TRIM5: variants seen among roughly 807,000 people sequenced by gnomAD.
TRIM5 encodes the protein tripartite motif containing 5.
In TRIM5, 31 loss-of-function variants were observed where a neutral mutation model predicts 35.6. That is an observed-to-expected ratio of 0.87 (90% CI 0.65 to 1.18). The LOEUF (loss-of-function observed/expected upper bound fraction) is 1.18, where lower values mean the gene tolerates loss of function less well. TRIM5 is among the 50% of genes most tolerant of loss of function. TRIM5 has a pLI of 0.00. For synonymous variants in TRIM5, 243 were observed against 215.6 expected (o/e 1.13, Z -1.11); for missense variants, 609 against 591.6 (o/e 1.03, Z -0.31).
chr11:5,659,241 C>A (rs1389641863), downstream of TRIM5, among the ~76,000 whole-genome samples: 1 of 152,132 alleles, frequency 6.6e-6, no homozygotes, highest in Non-Finnish European at 1.5e-5. Flanking sequence ...TAGAGCCCCA[C>A]AGCCTGCCCG....
the TRIM5 span, chr11:5,642,499 G>A: frequency 1.2e-6 from 2 of 1,613,846 alleles, no homozygotes; most frequent in Non-Finnish European, 8.5e-7. Flanking sequence ...TGCTGCAAAT[G>A]TTTAGAGGTG....
At chr11:5,684,182 G>A (rs756843756) in intron 1 of TRIM5, 8 of 171,170 alleles carry the variant, frequency 4.7e-5, no homozygotes, top group Non-Finnish European at 8.4e-5. Flanking sequence ...TCCGGACACA[G>A]TATGAAGACA....
intron 1 of TRIM5, among the ~76,000 whole-genome samples, chr11:5,683,540 A>G (rs1398992351): frequency 1.3e-5 from 2 of 148,932 alleles, no homozygotes; most frequent in Non-Finnish European, 3.0e-5. Flanking sequence ...GGGATTGTAA[A>G]TACACCAATC....
chr11:5,604,774 T>G, the TRIM5 span: 1 of 771,430 alleles, frequency 1.3e-6, no homozygotes, highest in Non-Finnish European at 2.0e-6. Context: ...ACTATATTCC[T>G]TCCAAACAGG....
At chr11:5,635,697 G>GGA in the TRIM5 span, among the ~76,000 whole-genome samples, 1 of 152,336 alleles carries the variant, frequency 6.6e-6, no homozygotes, top group East Asian at 1.9e-4. Flanking sequence ...GAACGAAGCA[G>GGA]GAGAGTAACT....
At chr11:5,605,625 C>T in the TRIM5 span, 5,234 of 1,532,978 alleles carry the variant, frequency 3.4e-3, 156 homozygotes, top group African/African-American at 0.065. Flanking sequence ...ACTAACTTTC[C>T]TTCCTTTCTG....
the TRIM5 span, chr11:5,643,741 T>A: frequency 1.3e-6 from 2 of 1,540,988 alleles, no homozygotes; most frequent in Non-Finnish European, 1.7e-6. Context: ...CAACCCTTTG[T>A]CTTGACTTAT....
At chr11:5,611,088 G>T in the TRIM5 span, 5 of 1,614,132 alleles carry the variant, frequency 3.1e-6, no homozygotes, top group Non-Finnish European at 4.2e-6. Context: ...CTGGGTGATT[G>T]GGTTACAGCA....
At chr11:5,681,655 T>C (rs1852458332) in intron 1 of TRIM5, among the ~76,000 whole-genome samples, 1 of 151,526 alleles carries the variant, frequency 6.6e-6, no homozygotes, top group South Asian at 2.1e-4. Flanking sequence ...CCCATAAAAC[T>C]TGTTTAATCC....
At chr11:5,675,678 C>A (rs1427673846) in intron 4 of TRIM5, among the ~76,000 whole-genome samples, 1 of 125,004 alleles carries the variant, frequency 8.0e-6, no homozygotes, top group Non-Finnish European at 1.7e-5. Flanking sequence ...TTTTTTTTTT[C>A]TTCTGTTGTG....
At chr11:5,660,062 T>C (rs185009259), downstream of TRIM5, among the ~76,000 whole-genome samples, 3,318 of 152,094 alleles carry the variant, frequency 0.022, 114 homozygotes, top group African/African-American at 0.073. Flanking sequence ...CTGCAACCTC[T>C]GCCTCCTGGG....
chr11:5,615,210 A>G, the TRIM5 span, among the ~76,000 whole-genome samples: 1 of 152,144 alleles, frequency 6.6e-6, no homozygotes, highest in Non-Finnish European at 1.5e-5. Flanking sequence ...ATATTGGTAA[A>G]TGTTTCATTT....
the TRIM5 span, chr11:5,604,522 G>C: frequency 2.5e-6 from 4 of 1,607,668 alleles, no homozygotes; most frequent in Non-Finnish European, 3.4e-6. Context: ...GACCTGATTT[G>C]TTTTCTTCAA....
intron 4 of TRIM5, among the ~76,000 whole-genome samples, chr11:5,670,344 A>ATT (rs71053291): frequency 2.0e-5 from 3 of 149,186 alleles, no homozygotes; most frequent in Non-Finnish European, 4.5e-5. Flanking sequence ...CACCCAGCTA[A>ATT]TTTTTTTTTC....
At chr11:5,657,692 A>ATT in the TRIM5 span, among the ~76,000 whole-genome samples, 29 of 130,228 alleles carry the variant, frequency 2.2e-4, no homozygotes, top group African/African-American at 8.3e-4. Context: ...ATATATTTAT[A>ATT]ATATAATATA....
the TRIM5 span, chr11:5,596,715 G>T: frequency 1.1e-6 from 1 of 884,238 alleles, no homozygotes; most frequent in Non-Finnish European, 1.7e-6. Flanking sequence ...GCTGGCGGAG[G>T]AGGGATCCCC....
rs1564925662 is a variant in TRIM5, at chr11:5,680,077, A to T, written c.101T>A (p.Phe34Tyr). 1.9e-6 allele frequency: 3 copies of T among 1,614,140 alleles called. No homozygotes were observed. The highest frequency in any genetic ancestry group is 2.5e-6 in the Non-Finnish European group (3 of 1,180,040). Reference protein sequence around the residue: ...QPLSLDCGHSFCQACLTANHK... With the variant: ...QPLSLDCGHSYCQACLTANHK... ...GTTTGCAGTGAGGCATGCTTGGCAG[A>T]AGCTGTGGCCGCAGTCCAGGCTCAG... The change falls in exon 2 of 8, where the codon TTC becomes TAC. Residue 34 changes from phenylalanine (F) to tyrosine (Y), a missense_variant. Physicochemically the swap from Phe to Tyr is conservative, Grantham distance 22. Transcript: ENST00000380034.
intron 6 of TRIM5, 29 bp downstream of exon 6, chr11:5,665,951 TA>T: frequency 6.3e-7 from 1 of 1,586,834 alleles, no homozygotes; most frequent in South Asian, 1.1e-5. Flanking sequence ...TTGAATTCCA[TA>T]ACCCTGTTGT....
At chr11:5,616,379 T>C in the TRIM5 span, among the ~76,000 whole-genome samples, 1 of 146,040 alleles carries the variant, frequency 6.8e-6, no homozygotes, top group Non-Finnish European at 1.5e-5. Flanking sequence ...AATATAGTTA[T>C]CTTCATTTTT....
Sources: allele counts gnomAD v4.1 joint callset (sites outside exome capture counted in the v4.1 genomes callset), GRCh38; gene constraint gnomAD v4.1.1; transcripts MANE v1.5; gene names NCBI Gene and HGNC (gene_info 2026-07-23, HGNC 2026-07-21).